Variants in DDX54 observed in about 807,000 individuals in gnomAD.
DDX54 encodes the protein DEAD-box helicase 54.
In DDX54, 67 loss-of-function variants were observed where a neutral mutation model predicts 105.5. The ratio of observed to expected loss-of-function variants is 0.64; its 90% CI spans 0.52 to 0.78. The LOEUF (loss-of-function observed/expected upper bound fraction) is 0.78, where lower values mean the gene tolerates loss of function less well. Among genes scored for constraint, DDX54 ranks in the 30% least tolerant of loss-of-function variants. The pLI is 0.00. For missense variants in DDX54, 1,206 were observed against 1,230.5 expected, an observed-to-expected ratio of 0.98 and a Z score of 0.30; for synonymous variants, 514 against 509.9, an observed-to-expected ratio of 1.01 and a Z score of -0.11.
In DDX54 at chr12:113,157,600, A is replaced by G; in HGVS notation, c.*1277T>C. 3 of 1,551,558 alleles carry G rather than the reference A, an allele frequency of 1.9e-6. No individual in the cohort carries two copies. The highest frequency in any genetic ancestry group is 2.6e-6 in the Non-Finnish European group (3 of 1,146,932). On this transcript the variant is annotated 3_prime_UTR_variant, in exon 20 of 20. Coordinates refer to ENST00000306014, the MANE Select transcript of DDX54 (RefSeq NM_024072.4). The stretch of plus-strand genomic sequence containing the variant: ...ATGTGACTTCGTGCTGGGCCCCCCC[A>G]GGTGAAGCTGTTCATGCAGGACCTC...
rs747703497 is a variant in DDX54 at position 113,157,539 on chromosome 12, G to A, written c.*1338C>T. 78 of 1,408,244 alleles carry A rather than the reference G, an allele frequency of 5.5e-5. No individual in the cohort carries two copies. The highest frequency in any genetic ancestry group is 7.2e-5 in the Non-Finnish European group (73 of 1,017,736). 87.2% of individuals were successfully genotyped at this position (1,408,244 alleles called of 1,614,324 possible). A position where few individuals can be genotyped will look rare whatever the true frequency, so the allele number is the denominator to read the frequency against. The stretch of plus-strand genomic sequence containing the variant: ...TACCTTTCGGCCTCCCCCGCGTGTT[G>A]AGGGGTGGGGGCTGGACAGTGACTC... On this transcript the variant is annotated 3_prime_UTR_variant, in exon 20 of 20. Transcript: ENST00000306014.
chr12:113,180,898 C>G, intron 2 of DDX54, 31 bp downstream of exon 2: 1 of 1,612,132 alleles, frequency 6.2e-7, no homozygotes, highest in Non-Finnish European at 8.5e-7. Flanking sequence ...CTGCCACTCC[C>G]GCAGAGTCCC....
chr12:113,169,392 G>A (rs1256282595), intron 12 of DDX54, among the ~76,000 whole-genome samples: 2 of 152,058 alleles, frequency 1.3e-5, no homozygotes, highest in East Asian at 1.9e-4. Flanking sequence ...GGAGGTGGGC[G>A]AATCACTTGA....
chr12:113,167,191 A>G (rs1952287469), intron 12 of DDX54, among the ~76,000 whole-genome samples: 1 of 152,132 alleles, frequency 6.6e-6, no homozygotes, highest in Non-Finnish European at 1.5e-5. Context: ...AGCCTGGGCA[A>G]CATAGTGATA....
chr12:113,158,762 T>C lies in DDX54; in HGVS notation c.*115A>G. On this transcript the variant is annotated 3_prime_UTR_variant, in exon 20 of 20. Transcript: ENST00000306014. This position sits in a 1 kb window ranked among gnomAD's most constrained non-coding sequence, Gnocchi z 4.9. ...GCTCCTTTTCACAGATGATGGCTCC[T>C]GCAGGGAGTGCCCCCAGTGCCCAGC... 1 of 1,183,218 alleles carries C rather than the reference T, an allele frequency of 8.5e-7. No individual in the cohort carries two copies. The allele number at this position is 1,183,218 out of a possible 1,614,324, so 73.3% of individuals were successfully genotyped here.
intron 17 of DDX54, chr12:113,162,637 A>T: frequency 8.5e-6 from 3 of 354,558 alleles, no homozygotes; most frequent in Middle Eastern, 8.0e-4. Flanking sequence ...CACTCACCCC[A>T]GGGAATGGAG....
At chr12:113,180,581 T>C (rs1193284512) in intron 2 of DDX54, among the ~76,000 whole-genome samples, 1 of 152,152 alleles carries the variant, frequency 6.6e-6, no homozygotes, top group African/African-American at 2.4e-5. Flanking sequence ...TTGTAAAGAG[T>C]AACAGAGTCA....
In DDX54 at chr12:113,163,832, C is replaced by A. The variant is rs747970111; in HGVS notation, c.1938+235G>T. On this transcript the variant is annotated intron_variant, in intron 15 of 19. Transcript: ENST00000306014. The surrounding 1 kb of genome is among the most constrained non-coding windows in gnomAD (Gnocchi z 5.9). Reference sequence around the variant, plus strand: ...ATGTGTTTGGTGGCTGGTGATGCCCCGGACCCCACTGAGGGTGTCATGTCG... The same window carrying A: ...ATGTGTTTGGTGGCTGGTGATGCCCAGGACCCCACTGAGGGTGTCATGTCG... Among the ~76,000 whole-genome samples, 2 of 152,172 alleles carry A rather than the reference C, an allele frequency of 1.3e-5. No individual in the cohort carries two copies. The highest frequency in any genetic ancestry group is 1.3e-4 in the Admixed American group (2 of 15,282).
chr12:113,159,944 A>G (rs543271266), intron 19 of DDX54, among the ~76,000 whole-genome samples: 180 of 152,276 alleles, frequency 1.2e-3, no homozygotes, highest in Non-Finnish European at 2.0e-3. Flanking sequence ...AGCTGTCTCC[A>G]ATGGAGCCAG....
At chr12:113,172,231 T>C in intron 11 of DDX54, 122 bp downstream of exon 11, 9 of 1,114,074 alleles carry the variant, frequency 8.1e-6, no homozygotes, top group South Asian at 3.0e-5. Context: ...AGCGAGGCTC[T>C]GTCTCTAAAA....
intron 1 of DDX54, among the ~76,000 whole-genome samples, chr12:113,184,116 T>C (rs1321460292): frequency 6.6e-6 from 1 of 152,078 alleles, no homozygotes; most frequent in African/African-American, 2.4e-5. Context: ...CTGGCTATTT[T>C]TGTATTTTTA....
chr12:113,171,599 C>CAAA (rs56809579), intron 11 of DDX54, among the ~76,000 whole-genome samples: 1 of 102,252 alleles, frequency 9.8e-6, no homozygotes, highest in African/African-American at 3.5e-5. Flanking sequence ...GCAAGACTCT[C>CAAA]AAAAAAAAAA....
chr12:113,183,227 T>G (rs1374466369), intron 1 of DDX54, among the ~76,000 whole-genome samples: 1 of 152,086 alleles, frequency 6.6e-6, no homozygotes, highest in Non-Finnish European at 1.5e-5. Context: ...CACAGAGAGG[T>G]TAAGCAACCT....
At chr12:113,179,441 C>T (rs560523307) in intron 3 of DDX54, 110 bp from the exon 4 acceptor site, 2 of 1,226,488 alleles carry the variant, frequency 1.6e-6, no homozygotes, top group African/African-American at 1.5e-5. Context: ...AGTGAATGGG[C>T]AGGCACCCGT....
At chr12:113,182,267 AC>A (rs774269491) in intron 1 of DDX54, among the ~76,000 whole-genome samples, 22 of 152,176 alleles carry the variant, frequency 1.4e-4, no homozygotes, top group Non-Finnish European at 3.1e-4. Context: ...TGTTCTTTTC[AC>A]TGTGACCCTC....
chr12:113,165,909 T>C lies in DDX54; in HGVS notation c.1538A>G (p.Asp513Gly), dbSNP rs1952268350. The C allele has an allele frequency of 1.2e-6, 2 of 1,613,818 alleles. No homozygotes were observed. The highest frequency in any genetic ancestry group is 1.7e-6 in the Non-Finnish European group (2 of 1,180,026). ...GCGCACATACTGCTGCTGGGCGTTA[T>C]CAGCAACGCGGGCCAGGCCCCGTAG... The part of the protein sequence containing the change: ...LELRGLARVA[D>G]NAQQQYVRSR... Residue 513 changes from aspartate to glycine, a missense_variant, in exon 13 of 20, where the codon GAT becomes GGT. Asp to Gly is a moderately conservative substitution (Grantham distance 94). Coordinates refer to ENST00000306014, the MANE Select transcript of DDX54 (RefSeq NM_024072.4).
chr12:113,166,090 C>T (rs2136316795), intron 12 of DDX54, 58 bp from the exon 13 acceptor site: 1 of 1,533,992 alleles, frequency 6.5e-7, no homozygotes, highest in Non-Finnish European at 8.8e-7. Flanking sequence ...CTGTCCACTG[C>T]CCGACCACCA....
At chr12:113,165,020 C>A (rs375965178) in intron 14 of DDX54, among the ~76,000 whole-genome samples, 2 of 152,206 alleles carry the variant, frequency 1.3e-5, no homozygotes, top group East Asian at 3.8e-4. Context: ...AAGCAAGACC[C>A]TGTTTCAAAA....
chr12:113,157,470 C>A lies in DDX54; in HGVS notation c.*1407G>T. On this transcript the variant is annotated 3_prime_UTR_variant, in exon 20 of 20. Coordinates refer to ENST00000306014, the MANE Select transcript of DDX54 (RefSeq NM_024072.4). Reference sequence around the variant, plus strand: ...CTCAGTCACCACCTCTGGGAACCACCATCATCACTGTTCTTTTAATGAGGG... The same window carrying A: ...CTCAGTCACCACCTCTGGGAACCACAATCATCACTGTTCTTTTAATGAGGG... 1.4e-6 allele frequency: 1 copy of A among 724,374 alleles called. No homozygotes were observed. Among genetic ancestry groups the A allele is most frequent in the Non-Finnish European group, 2.3e-6 (1 of 428,144 alleles). 44.9% of individuals were successfully genotyped at this position (724,374 alleles called of 1,614,324 possible).
Sources: gnomAD v4.1 joint callset for allele counts (sites outside exome capture counted in the v4.1 genomes callset) on GRCh38, gnomAD v4.1.1 for gene constraint, Gnocchi (gnomAD v3.1) non-coding constraint, MANE v1.5 for transcripts, NCBI Gene and HGNC (gene_info 2026-07-23, HGNC 2026-07-21) for gene names.